The following PRH1 variants were observed in gnomAD, a reference collection of about 807,000 sequenced individuals.
PRH1 encodes proline rich protein HaeIII subfamily 1.
In PRH1, 7 loss-of-function variants were observed where a neutral mutation model predicts 7.9. The ratio of observed to expected loss-of-function variants is 0.89; its 90% CI spans 0.50 to 1.67. The LOEUF is 1.67. Ranked by LOEUF, PRH1 falls within the 40% of genes most tolerant of loss-of-function variation. The pLI is 0.00. For missense variants in PRH1, 109 were observed against 223.6 expected (o/e 0.49, Z 3.27); for synonymous variants, 45 against 80.8 (o/e 0.56, Z 2.38).
chr12:11,070,477 T>A (rs886386038), intron 1 of PRH1, among the ~76,000 whole-genome samples: 5 of 151,222 alleles, frequency 3.3e-5, no homozygotes, highest in African/African-American at 1.2e-4. Flanking sequence ...GTCAAAGATC[T>A]AACACTGCAC....
In PRH1 at chr12:11,091,115, C is replaced by CATATATATATATATATATATAT. The variant is rs1555163213; in HGVS notation, n.124-43949_124-43928dup. 2.5e-3 allele frequency among the ~76,000 whole-genome samples: 64 copies of CATATATATATATATATATATAT among 25,106 alleles called. 4 individuals are homozygous for CATATATATATATATATATATAT. Among genetic ancestry groups the CATATATATATATATATATATAT allele is most frequent in the African/African-American group, 4.9e-3 (63 of 12,736 alleles). 16.5% of individuals were successfully genotyped at this position (25,106 alleles called of 152,430 possible). On this transcript the variant is annotated intron_variant and non_coding_transcript_variant, in intron 1 of 4. Transcript: ENST00000541977. ...ACACAAATACACACACACACACACA[C>CATATATATATATATATATATAT]ATATATATATATATATATATATATA... is the stretch of plus-strand genomic sequence containing the variant.
At chr12:11,042,592 T>C (rs978985877) in intron 1 of PRH1, among the ~76,000 whole-genome samples, 2 of 137,422 alleles carry the variant, frequency 1.5e-5, no homozygotes, top group African/African-American at 5.4e-5. Flanking sequence ...TCTGAAAAAA[T>C]AGAGAAAGAG....
At chr12:11,118,179 TTAA>T (rs1421351754), downstream of PRH1, among the ~76,000 whole-genome samples, 1 of 152,062 alleles carries the variant, frequency 6.6e-6, no homozygotes, top group African/African-American at 2.4e-5. Context: ...TGGCAAGGGA[TTAA>T]TAACCAGAAT....
chr12:11,159,280 A>T (rs1017081579), intron 1 of PRH1: 1 of 151,826 alleles, frequency 6.6e-6, no homozygotes, highest in Non-Finnish European at 1.5e-5. Flanking sequence ...AACGATAAGA[A>T]CAAAGACCGC....
chr12:11,140,983 A>C (rs1298884812), intron 1 of PRH1, among the ~76,000 whole-genome samples: 1 of 149,422 alleles, frequency 6.7e-6, no homozygotes, highest in Non-Finnish European at 1.5e-5. Context: ...AATAGTCCTT[A>C]AAACCTGGTT....
intron 1 of PRH1, among the ~76,000 whole-genome samples, chr12:11,056,581 G>A (rs1943370665): frequency 1.3e-5 from 2 of 152,244 alleles, no homozygotes; most frequent in Middle Eastern, 6.8e-3. Flanking sequence ...AATTTGGCAG[G>A]CTGAGGCAGG....
chr12:10,934,243 C>T (rs2135875715), intron 2 of PRH1, among the ~76,000 whole-genome samples: 1 of 152,222 alleles, frequency 6.6e-6, no homozygotes, highest in South Asian at 2.1e-4. Context: ...GTGATGTATT[C>T]TCTTCACCAC....
intron 1 of PRH1, among the ~76,000 whole-genome samples, chr12:11,024,924 T>G (rs1310868717): frequency 6.6e-6 from 1 of 152,214 alleles, no homozygotes; most frequent in South Asian, 2.1e-4. Context: ...GCTATTTGCA[T>G]ATATCTTATC....
At chr12:11,108,505 A>G (rs1945496499) in intron 1 of PRH1, among the ~76,000 whole-genome samples, 1 of 152,178 alleles carries the variant, frequency 6.6e-6, no homozygotes, top group South Asian at 2.1e-4. Context: ...CAGCGGGTGA[A>G]GCCCACGGAG....
At chr12:10,941,533 AATTT>A (rs1013503486) in intron 2 of PRH1, among the ~76,000 whole-genome samples, 20 of 150,550 alleles carry the variant, frequency 1.3e-4, no homozygotes, top group African/African-American at 4.6e-4. Flanking sequence ...CAAATGTTTG[AATTT>A]ATTTATTATT....
At chr12:11,108,524 G>A (rs2708356) in intron 1 of PRH1, among the ~76,000 whole-genome samples, 69,041 of 151,808 alleles carry the variant, frequency 0.45, 16,493 homozygotes, top group Non-Finnish European at 0.53. Flanking sequence ...AGGATGAGCC[G>A]AAGGAGGGTG....
At chr12:10,954,465 T>TTTTGTTTG (rs773277453) in intron 2 of PRH1, among the ~76,000 whole-genome samples, 2 of 151,048 alleles carry the variant, frequency 1.3e-5, no homozygotes, top group African/African-American at 2.4e-5. Flanking sequence ...TCTAACTTCT[T>TTTTGTTTG]TTTGTTTGTT....
At chr12:11,101,939 T>G (rs1009871723) in intron 1 of PRH1, among the ~76,000 whole-genome samples, 1 of 152,068 alleles carries the variant, frequency 6.6e-6, no homozygotes, top group Non-Finnish European at 1.5e-5. Flanking sequence ...GAACTCCCAT[T>G]CACAATTGCT....
chr12:10,914,801 C>T (rs1281830495), intron 2 of PRH1, among the ~76,000 whole-genome samples: 3 of 152,200 alleles, frequency 2.0e-5, no homozygotes, highest in African/African-American at 7.2e-5. Flanking sequence ...TGCTTCTCAA[C>T]ACTGAATAGT....
At chr12:10,945,074 C>T (rs1020335498) in intron 2 of PRH1, among the ~76,000 whole-genome samples, 2 of 152,104 alleles carry the variant, frequency 1.3e-5, no homozygotes, top group Non-Finnish European at 2.9e-5. Flanking sequence ...TGGCCTCATA[C>T]AATGAATTAA....
chr12:11,072,652 T>C (rs1944126605), intron 1 of PRH1, among the ~76,000 whole-genome samples: 1 of 152,224 alleles, frequency 6.6e-6, no homozygotes, highest in Non-Finnish European at 1.5e-5. Flanking sequence ...CAAAATCAGA[T>C]ACATTATAAA....
chr12:10,882,662 C>T lies in PRH1; in HGVS notation c.137G>A (p.Arg46His), dbSNP rs372677799. Residue 46 changes from arginine (R) to histidine (H), a missense_variant, in exon 3 of 4, where the codon CGT becomes CAT. This residue lies in a region of PRH1 where 60 missense variants were observed against 76.5 expected (regional missense o/e 0.78). Coordinates refer to ENST00000543626, the MANE Select transcript of PRH1 (RefSeq NM_001393989.1). ...GDSEQFLDEE[R>H]QGPPLGGQQS... is the part of the protein sequence containing the mutation. ...CTGTCCTCCCAAAGGTGGTCCCTGA[C>T]GCTCCTCATCTAGGAACTGCTCAGA... The T allele has an allele frequency of 3.0e-5, 48 of 1,581,612 alleles. No individual in the cohort carries two copies. Among genetic ancestry groups the T allele is most frequent in the East Asian group, 1.4e-4 (6 of 44,406 alleles).
chr12:10,908,613 T>G, intron 2 of PRH1: 1 of 1,613,988 alleles, frequency 6.2e-7, no homozygotes, highest in African/African-American at 1.3e-5. Context: ...TTTCAAGGCA[T>G]TTGTATGGAC....
rs1046371494 is a variant in PRH1, at chr12:11,043,793, G to C, written c.-126+3227C>G. Among the ~76,000 whole-genome samples, 6 of 151,890 alleles carry C rather than the reference G, an allele frequency of 4.0e-5. 1 individual carries two copies. The highest frequency in any genetic ancestry group is 3.9e-4 in the Admixed American group (6 of 15,250). ...AACACTAATGCAAGAAATTGAAAAG[G>C]ACACCCAACAAAAGAAAAGATGGTC... On this transcript the variant is annotated intron_variant, in intron 1 of 3. Transcript: ENST00000539853.
Sources: allele counts gnomAD v4.1 joint callset (sites outside exome capture counted in the v4.1 genomes callset), GRCh38; gene constraint gnomAD v4.1.1; regional missense constraint gnomAD v4.1.1; transcripts MANE v1.5; gene names NCBI Gene and HGNC (gene_info 2026-07-23, HGNC 2026-07-21).